Variants in KATNA1 observed in about 807,000 individuals in gnomAD.
The protein encoded by KATNA1 is katanin catalytic subunit A1.
A neutral mutation model predicts 62.6 loss-of-function variants in KATNA1; 42 were observed. The ratio of observed to expected loss-of-function variants is 0.67; its 90% CI spans 0.52 to 0.87. KATNA1 has a LOEUF of 0.87. KATNA1 is among the 40% of genes least tolerant of loss of function. KATNA1 has a pLI of 0.00. For synonymous variants in KATNA1, 186 were observed against 201.9 expected (o/e 0.92, Z 0.67); for missense variants, 498 against 612.5 (o/e 0.81, Z 1.97).
At chr6:149,602,406 A>G (rs889158688) in intron 6 of KATNA1, among the ~76,000 whole-genome samples, 1 of 152,148 alleles carries the variant, frequency 6.6e-6, no homozygotes, top group African/African-American at 2.4e-5. Flanking sequence ...AATTTATTCA[A>G]AGTATATCTA....
intron 4 of KATNA1, among the ~76,000 whole-genome samples, chr6:149,621,127 T>C (rs1020828063): frequency 2.7e-5 from 4 of 150,360 alleles, no homozygotes; most frequent in South Asian, 2.1e-4. Flanking sequence ...TGCCTTCTTT[T>C]TTTTTTTTTT....
Position 149,598,271 on chromosome 6 carries a change from T to G in KATNA1, c.968A>C (p.His323Pro). The G allele has an allele frequency of 6.2e-7, 1 of 1,614,012 alleles. No homozygotes were observed. Residue 323 changes from histidine to proline, a missense_variant, in exon 8 of 11, where the codon CAT (histidine) becomes CCT (proline). His to Pro is a moderately conservative substitution (Grantham distance 77, BLOSUM62 -2). Transcript: ENST00000367411. ...CGCTTTCACCCTTCTGCTTGCTTCA[T>G]GTTCTTCAGAAGTCCCTCGGCGACT... Reference protein sequence around the residue: ...ICSRRGTSEEHEASRRVKAEL... With the variant: ...ICSRRGTSEEPEASRRVKAEL...
intron 6 of KATNA1, among the ~76,000 whole-genome samples, chr6:149,602,261 G>A (rs1338859466): frequency 2.0e-5 from 3 of 152,148 alleles, no homozygotes; most frequent in Non-Finnish European, 4.4e-5. Context: ...CAGCTACTCG[G>A]GAGGCTGAGG....
chr6:149,602,283 A>C (rs185934754), intron 6 of KATNA1, among the ~76,000 whole-genome samples: 102 of 152,274 alleles, frequency 6.7e-4, no homozygotes, highest in African/African-American at 2.4e-3. Flanking sequence ...AGCGGAATCA[A>C]TTCAACCCGT....
intron 3 of KATNA1, among the ~76,000 whole-genome samples, chr6:149,626,562 G>A (rs1327963990): frequency 2.0e-5 from 3 of 150,940 alleles, no homozygotes; most frequent in South Asian, 2.1e-4. Flanking sequence ...GATTACAGGC[G>A]TGAGCCACCG....
chr6:149,628,264 A>ATTT (rs554916406), intron 3 of KATNA1, among the ~76,000 whole-genome samples: 11 of 129,576 alleles, frequency 8.5e-5, no homozygotes, highest in South Asian at 2.5e-4. Context: ...TGCCCGGCTA[A>ATTT]TTTTTTTTTT....
chr6:149,604,839 C>T (rs745348674), intron 4 of KATNA1, 57 bp from the exon 5 acceptor site: 71 of 1,558,324 alleles, frequency 4.6e-5, no homozygotes, highest in Non-Finnish European at 5.8e-5. Context: ...TTCTGTGAGT[C>T]GGAAACACAG....
chr6:149,597,611 G>A lies in KATNA1; in HGVS notation c.1046C>T (p.Pro349Leu), dbSNP rs1778376921. The A allele has an allele frequency of 6.2e-7, 1 of 1,613,942 alleles. No individual in the cohort carries two copies. The highest frequency in any genetic ancestry group is 8.5e-7 in the Non-Finnish European group (1 of 1,179,858). The change falls in exon 9 of 11, where the codon CCT becomes CTT. Residue 349 changes from proline to leucine, a missense_variant. Pro to Leu is a moderately conservative substitution (Grantham distance 98). Transcript: ENST00000367411. ...TGCCAGAACCATAACCATTTTGGAA[G>A]GGTCATCATTTTCAGAAGTACCTCC... ...GVGGTSENDD[P>L]SKMVMVLAAT...
chr6:149,615,499 C>T (rs565970305), intron 4 of KATNA1, among the ~76,000 whole-genome samples: 2 of 151,906 alleles, frequency 1.3e-5, no homozygotes, highest in African/African-American at 2.4e-5. Flanking sequence ...GCACCATCCC[C>T]GGCGAGTAAT....
chr6:149,602,267 T>G (rs915685966), intron 6 of KATNA1, among the ~76,000 whole-genome samples: 1 of 152,126 alleles, frequency 6.6e-6, no homozygotes, highest in African/African-American at 2.4e-5. Context: ...CTCGGGAGGC[T>G]GAGGCAGCGG....
At chr6:149,612,837 G>T (rs757158108) in intron 4 of KATNA1, among the ~76,000 whole-genome samples, 12 of 152,058 alleles carry the variant, frequency 7.9e-5, no homozygotes, top group Non-Finnish European at 1.5e-5. Context: ...ACTATATTAA[G>T]AGACTAAAGA....
intron 3 of KATNA1, among the ~76,000 whole-genome samples, chr6:149,624,993 C>T (rs1779552678): frequency 6.6e-6 from 1 of 151,486 alleles, no homozygotes; most frequent in Non-Finnish European, 1.5e-5. Flanking sequence ...GACAGAACAT[C>T]AGTAAAGAAA....
chr6:149,599,992 A>T (rs1261753068), intron 7 of KATNA1, among the ~76,000 whole-genome samples: 1 of 152,096 alleles, frequency 6.6e-6, no homozygotes, highest in Non-Finnish European at 1.5e-5. Context: ...TTTTGCTGGA[A>T]CTATGACAAA....
rs1195831519 is a variant in KATNA1 at position 149,595,333 on chromosome 6, T to C, written c.1278-99A>G. 1.1e-5 allele frequency: 9 copies of C among 786,892 alleles called. No homozygotes were observed. In the South Asian group the frequency reaches 1.5e-4, roughly 13 times the overall value. The allele number at this position is 786,892 out of a possible 1,614,324, so 48.7% of individuals were successfully genotyped here. A position where few individuals can be genotyped will look rare whatever the true frequency, so the allele number is the denominator to read the frequency against. On this transcript the variant is annotated intron_variant, in intron 10 of 10. Coordinates refer to ENST00000367411, the MANE Select transcript of KATNA1 (RefSeq NM_007044.4). ...AATTTTCAATTGATCTGTTGTAGCA[T>C]TCTCTAATTATATTACATATATATG... is the stretch of plus-strand genomic sequence containing the variant.
chr6:149,617,572 C>T (rs1234478991), intron 4 of KATNA1, among the ~76,000 whole-genome samples: 5 of 152,260 alleles, frequency 3.3e-5, no homozygotes, highest in African/African-American at 9.6e-5. Flanking sequence ...GAGGCCGAGG[C>T]GGGCGGATCA....
chr6:149,643,494 A>G (rs375767441), intron 1 of KATNA1, among the ~76,000 whole-genome samples: 2 of 152,206 alleles, frequency 1.3e-5, no homozygotes, highest in African/African-American at 4.8e-5. Flanking sequence ...AAAGAAAAGG[A>G]ATAAAATCCT....
intron 6 of KATNA1, 74 bp from the exon 7 acceptor site, chr6:149,601,826 G>T: frequency 8.0e-7 from 1 of 1,247,446 alleles, no homozygotes; most frequent in Non-Finnish European, 1.1e-6. Flanking sequence ...TCATTACTAA[G>T]TAGCAAATTT....
At position 149,616,693 on chromosome 6, in the gene KATNA1, G is replaced by A. The variant is rs144055054; in HGVS notation, c.501+6410C>T. 3.3e-3 allele frequency among the ~76,000 whole-genome samples: 501 copies of A among 152,240 alleles called. 1 individual carries two copies. The highest frequency in any genetic ancestry group is 5.2e-3 in the Admixed American group (79 of 15,284). On this transcript the variant is annotated intron_variant, in intron 4 of 10. Transcript: ENST00000367411. Reference sequence around the variant, plus strand: ...CACTTGAACCCGGTAAGCGGAGGGTGCGGTGAGCCAAGATCGCGCCATTGC... The same window carrying A: ...CACTTGAACCCGGTAAGCGGAGGGTACGGTGAGCCAAGATCGCGCCATTGC...
intron 8 of KATNA1, 115 bp downstream of exon 8, chr6:149,598,106 TAAG>T (rs1410949695): frequency 8.9e-7 from 1 of 1,119,876 alleles, no homozygotes; most frequent in Non-Finnish European, 1.3e-6. Context: ...CATCTGAAGT[TAAG>T]AATACCTATT....
Sources: gnomAD v4.1 joint callset for allele counts (sites outside exome capture counted in the v4.1 genomes callset) on GRCh38, gnomAD v4.1.1 for gene constraint, MANE v1.5 for transcripts, NCBI Gene and HGNC (gene_info 2026-07-23, HGNC 2026-07-21) for gene names.